The following SMYD3 variants were observed in gnomAD, a reference collection of about 807,000 sequenced individuals.
SMYD3 encodes SET and MYND domain containing 3.
A neutral mutation model predicts 57.7 loss-of-function variants in SMYD3; 36 were observed. That is an observed-to-expected ratio of 0.62 (90% CI 0.48 to 0.82). SMYD3 has a LOEUF of 0.82. Among genes scored for constraint, SMYD3 ranks in the 40% least tolerant of loss-of-function variants. The pLI is 0.00. For missense variants in SMYD3, 515 were observed against 538.8 expected, an observed-to-expected ratio of 0.96 and a Z score of 0.44; for synonymous variants, 211 against 195.0, an observed-to-expected ratio of 1.08 and a Z score of -0.68.
intron 11 of SMYD3, among the ~76,000 whole-genome samples, chr1:245,751,722 G>C (rs1157201820): frequency 2.6e-5 from 4 of 152,218 alleles, no homozygotes; most frequent in African/African-American, 9.6e-5. Context: ...CTGGCAGTCT[G>C]GCCCCTCACC....
chr1:246,021,246 T>A (rs1014597168), intron 5 of SMYD3, among the ~76,000 whole-genome samples: 1 of 152,206 alleles, frequency 6.6e-6, no homozygotes, highest in African/African-American at 2.4e-5. Flanking sequence ...ACAGCAAAGT[T>A]CAAGGAAGAC....
At chr1:246,061,056 G>T (rs6687443) in intron 5 of SMYD3, among the ~76,000 whole-genome samples, 118,820 of 151,904 alleles carry the variant, frequency 0.78, 46,911 homozygotes, top group Admixed American at 0.84. Context: ...TGAAACCCCA[G>T]CTCTACAAGT....
chr1:245,977,779 G>T (rs1214456658), intron 5 of SMYD3, among the ~76,000 whole-genome samples: 3 of 151,984 alleles, frequency 2.0e-5, no homozygotes, highest in African/African-American at 7.2e-5. Context: ...TCCTCTTTTT[G>T]TTTCCTTCCT....
At chr1:246,430,388 C>T (rs750276517) in intron 1 of SMYD3, among the ~76,000 whole-genome samples, 17 of 152,148 alleles carry the variant, frequency 1.1e-4, no homozygotes, top group Non-Finnish European at 2.4e-4. Flanking sequence ...GAGTAAATAA[C>T]ATGGAGGTAT....
intron 8 of SMYD3, among the ~76,000 whole-genome samples, chr1:245,872,975 A>C (rs2052295047): frequency 1.3e-5 from 2 of 152,296 alleles, no homozygotes; most frequent in African/African-American, 2.4e-5. Flanking sequence ...CCAGTGAATA[A>C]AACTGCTTCT....
At chr1:245,775,479 A>C (rs2046542813) in intron 10 of SMYD3, among the ~76,000 whole-genome samples, 1 of 151,166 alleles carries the variant, frequency 6.6e-6, no homozygotes, top group Admixed American at 6.6e-5. Flanking sequence ...AGGGCGGTGC[A>C]AGATGTGCTT....
chr1:246,376,989 A>C (rs2066290050), intron 1 of SMYD3, among the ~76,000 whole-genome samples: 1 of 152,004 alleles, frequency 6.6e-6, no homozygotes, highest in Non-Finnish European at 1.5e-5. Context: ...AATCCCAGCT[A>C]CTCAGGAGGT....
chr1:246,210,546 C>T (rs978212597), intron 5 of SMYD3, among the ~76,000 whole-genome samples: 1 of 151,948 alleles, frequency 6.6e-6, no homozygotes. Flanking sequence ...CCCGTCTCTA[C>T]TAAAAATGCA....
intron 5 of SMYD3, chr1:246,189,190 G>T (rs998615752): frequency 1.3e-5 from 2 of 152,186 alleles, no homozygotes; most frequent in African/African-American, 4.8e-5. Context: ...AAAGAGAAAG[G>T]TACCTTGTTG....
chr1:245,867,988 G>A (rs767292150), intron 8 of SMYD3, among the ~76,000 whole-genome samples: 3 of 152,208 alleles, frequency 2.0e-5, no homozygotes, highest in Non-Finnish European at 4.4e-5. Flanking sequence ...CTTTAGAGCT[G>A]AATATAGGTC....
intron 2 of SMYD3, among the ~76,000 whole-genome samples, chr1:246,351,642 T>C (rs376824180): frequency 1.3e-5 from 2 of 152,218 alleles, no homozygotes; most frequent in African/African-American, 2.4e-5. Flanking sequence ...CATATGTCGA[T>C]GTGTACGCTA....
intron 5 of SMYD3, among the ~76,000 whole-genome samples, chr1:246,069,859 A>C (rs919371398): frequency 6.6e-6 from 1 of 152,222 alleles, no homozygotes; most frequent in Non-Finnish European, 1.5e-5. Context: ...AGGAATGCTT[A>C]GATGGACAGT....
intron 8 of SMYD3, among the ~76,000 whole-genome samples, chr1:245,894,539 G>A (rs1416297278): frequency 2.0e-5 from 3 of 152,056 alleles, no homozygotes; most frequent in African/African-American, 4.8e-5. Context: ...AAAGGTCCGC[G>A]GCTCCATTCT....
chr1:246,352,187 C>G (rs1003351120), intron 2 of SMYD3, among the ~76,000 whole-genome samples: 1 of 141,370 alleles, frequency 7.1e-6, no homozygotes, highest in Non-Finnish European at 1.5e-5. Context: ...ATGTGAATAC[C>G]AATAGCACTG....
intron 5 of SMYD3, among the ~76,000 whole-genome samples, chr1:246,143,172 C>T (rs2061787803): frequency 6.7e-6 from 1 of 149,658 alleles, no homozygotes; most frequent in African/African-American, 2.5e-5. Flanking sequence ...CACAAACATG[C>T]ATCCTCCAAT....
In SMYD3 at chr1:245,874,469, C is replaced by T. The variant is rs570567317; in HGVS notation, c.814-10583G>A. On this transcript the variant is annotated intron_variant, in intron 8 of 11. Transcript: ENST00000490107. ...CATAGCTTTTTAGGAGGCAATCTTACGGGTCATCTAAAGAAATGATTTATT... is the reference window on the plus strand; with the variant it reads ...CATAGCTTTTTAGGAGGCAATCTTATGGGTCATCTAAAGAAATGATTTATT... Among the ~76,000 whole-genome samples the T allele has an allele frequency of 2.0e-4, 31 of 152,244 alleles. No homozygotes were observed. The South Asian group carries it at 5.0e-3, about 24-fold the overall frequency.
chr1:246,150,252 A>T (rs2061920619), intron 5 of SMYD3, among the ~76,000 whole-genome samples: 1 of 152,364 alleles, frequency 6.6e-6, no homozygotes, highest in East Asian at 1.9e-4. Flanking sequence ...TGTGTACTAT[A>T]GACTATAATA....
At chr1:246,495,145 C>T (rs562901333) in intron 1 of SMYD3, among the ~76,000 whole-genome samples, 4 of 151,886 alleles carry the variant, frequency 2.6e-5, no homozygotes, top group African/African-American at 4.8e-5. Context: ...GTCAGGAGAT[C>T]GAGACCATCC....
chr1:246,049,585 G>A (rs1281212113), intron 5 of SMYD3, among the ~76,000 whole-genome samples: 18 of 152,044 alleles, frequency 1.2e-4, no homozygotes, highest in Non-Finnish European at 1.9e-4. Flanking sequence ...GATTACAGGC[G>A]TGAGCCACCG....
Sources: gnomAD v4.1 joint callset for allele counts (sites outside exome capture counted in the v4.1 genomes callset) on GRCh38, gnomAD v4.1.1 for gene constraint, MANE v1.5 for transcripts, NCBI Gene and HGNC (gene_info 2026-07-23, HGNC 2026-07-21) for gene names.